Variants in SPAG17 observed in about 807,000 individuals in gnomAD.
SPAG17 encodes sperm-associated antigen 17.
In SPAG17, 169 loss-of-function variants were observed where a neutral mutation model predicts 273.6. The observed-to-expected ratio is 0.62, with a 90% CI of 0.55 to 0.70. SPAG17 has a LOEUF of 0.70. Among genes scored for constraint, SPAG17 ranks in the 30% least tolerant of loss-of-function variants. The probability of loss-of-function intolerance (pLI) is 0.00; values close to 1 mark genes in which losing one functional copy is unlikely to be tolerated. For synonymous variants in SPAG17, 825 were observed against 873.2 expected, an observed-to-expected ratio of 0.94 and a Z score of 0.97; for missense variants, 2,557 against 2,627.8, an observed-to-expected ratio of 0.97 and a Z score of 0.59.
intron 24 of SPAG17, among the ~76,000 whole-genome samples, chr1:118,034,429 A>G (rs148353787): frequency 7.4e-4 from 112 of 152,322 alleles, no homozygotes; most frequent in South Asian, 1.7e-3. Context: ...ACTTTTACAC[A>G]TGCTATTCCT....
At chr1:118,132,868 T>C (rs1256174228) in intron 3 of SPAG17, among the ~76,000 whole-genome samples, 1 of 152,066 alleles carries the variant, frequency 6.6e-6, no homozygotes, top group Non-Finnish European at 1.5e-5. Context: ...GCCTCCTGGG[T>C]TCAAGCAATT....
At chr1:118,112,340 G>A (rs1656809912) in intron 4 of SPAG17, among the ~76,000 whole-genome samples, 1 of 151,944 alleles carries the variant, frequency 6.6e-6, no homozygotes, top group South Asian at 2.1e-4. Flanking sequence ...AAAATTATAA[G>A]GAACATGATG....
Position 118,059,505 on chromosome 1 carries a change from A to G in SPAG17, c.2541-3591T>C, listed in dbSNP as rs75242138. Among the ~76,000 whole-genome samples, 612 of 152,218 alleles carry G rather than the reference A, an allele frequency of 4.0e-3. 3 individuals carry two copies. The highest frequency in any genetic ancestry group is 0.014 in the African/African-American group (581 of 41,570). ...GCATACTTATCATTTTTTGTGGGGT[A>G]AGAACACTTAAAATTAGGAATCCAA... On this transcript the variant is annotated intron_variant, in intron 18 of 48. Coordinates refer to ENST00000336338, the MANE Select transcript of SPAG17 (RefSeq NM_206996.4).
chr1:118,130,355 C>T (rs1657990160), intron 3 of SPAG17, among the ~76,000 whole-genome samples: 1 of 152,172 alleles, frequency 6.6e-6, no homozygotes, highest in Non-Finnish European at 1.5e-5. Flanking sequence ...TGATTTGGGC[C>T]TAGTAGTATG....
intron 34 of SPAG17, 124 bp downstream of exon 34, chr1:117,996,246 C>G: frequency 8.6e-6 from 10 of 1,156,898 alleles, no homozygotes; most frequent in Non-Finnish European, 1.1e-5. Flanking sequence ...CTCTACTTTC[C>G]AAAGTAGAGC....
rs1012308841 is a variant in SPAG17 at position 118,115,368 on chromosome 1, T to G, written c.389A>C (p.Lys130Thr). 1.2e-5 allele frequency: 20 copies of G among 1,613,696 alleles called. No homozygotes were observed. In the Admixed American group the frequency reaches 1.3e-4, roughly 11 times the overall value. ...AAATTTAATCTGGAGAAGTTGAAAT[T>G]TCAAGAGTTTCCCTATCAGTGGTAA... ...LTLPLIGKLL[K>T]FQLLQIKFKD... Residue 130 changes from lysine (K) to threonine (T), a missense_variant, in exon 4 of 49, where the codon AAA (lysine) becomes ACA (threonine). Physicochemically the swap from Lys to Thr is moderately conservative, Grantham distance 78. Coordinates refer to ENST00000336338, the MANE Select transcript of SPAG17 (RefSeq NM_206996.4).
rs1451606406 is a variant in SPAG17, at chr1:118,151,225, G to A, written c.228+4C>T. 3.8e-6 allele frequency: 6 copies of A among 1,563,074 alleles called. No homozygotes were observed. Among genetic ancestry groups the A allele is most frequent in the African/African-American group, 1.3e-5 (1 of 74,084 alleles). On this transcript the variant is annotated splice_donor_region_variant and intron_variant, in intron 2 of 48. Coordinates refer to ENST00000336338, the MANE Select transcript of SPAG17 (RefSeq NM_206996.4). ...GTGGCTTTGAGGTAGGAAGGGACAGGTACCTGCTGGAGAATGTCTTGCCAC... is the reference window on the plus strand; with the variant it reads ...GTGGCTTTGAGGTAGGAAGGGACAGATACCTGCTGGAGAATGTCTTGCCAC...
At chr1:118,001,734 A>G (rs777280048) in intron 32 of SPAG17, among the ~76,000 whole-genome samples, 11 of 151,658 alleles carry the variant, frequency 7.3e-5, no homozygotes, top group Non-Finnish European at 1.2e-4. Context: ...AGTCTTCCTA[A>G]TGGTCTATCA....
intron 3 of SPAG17, among the ~76,000 whole-genome samples, chr1:118,137,614 G>A (rs771809162): frequency 9.9e-5 from 15 of 152,144 alleles, no homozygotes; most frequent in Non-Finnish European, 1.5e-4. Flanking sequence ...TACTAAATCC[G>A]TAATTATTTT....
intron 18 of SPAG17, among the ~76,000 whole-genome samples, chr1:118,060,524 T>C (rs138511135): frequency 3.3e-4 from 51 of 152,334 alleles, no homozygotes; most frequent in African/African-American, 1.2e-3. Flanking sequence ...TACATTTGTC[T>C]TTTAACTTTT....
chr1:118,107,670 T>G (rs1656487808), intron 4 of SPAG17, among the ~76,000 whole-genome samples: 1 of 152,078 alleles, frequency 6.6e-6, no homozygotes, highest in African/African-American at 2.4e-5. Flanking sequence ...AAAAGTATTT[T>G]TAAAGAGGAC....
Position 118,036,795 on chromosome 1 carries a change from G to A in SPAG17, c.3408C>T (p.Tyr1136=). Residue 1136 remains tyrosine (Y), a synonymous_variant, in exon 24 of 49, where the codon TAC becomes TAT. Coordinates refer to ENST00000336338, the MANE Select transcript of SPAG17 (RefSeq NM_206996.4). Reference sequence around the variant, plus strand: ...CTGGTGCCATTCCATTTGATCCATAGTAACTTATCGAGAGGCAGATTCCAT... The same window carrying A: ...CTGGTGCCATTCCATTTGATCCATAATAACTTATCGAGAGGCAGATTCCAT... ...LENGICLSIS[Y]YGSNGMAPED... is the part of the protein sequence containing the mutation. 6.4e-7 allele frequency: 1 copy of A among 1,556,312 alleles called. No individual in the cohort carries two copies. Among genetic ancestry groups the A allele is most frequent in the South Asian group, 1.2e-5 (1 of 84,344 alleles).
At chr1:117,960,122 GTGTGTGTGTGTGTGTGTGTGTGTGTA>G (rs1194068842) in intron 48 of SPAG17, 1 of 147,048 alleles carries the variant, frequency 6.8e-6, no homozygotes, top group African/African-American at 2.7e-5. Context: ...GTGTGTGTGT[GTGTGTGTGTGTGTGTGTGTGTGTGTA>G]TGTGTATGTG....
In SPAG17 at chr1:117,970,158, A is replaced by G. The variant is rs915035417; in HGVS notation, c.6327-42T>C. The G allele has an allele frequency of 1.9e-6, 3 of 1,579,430 alleles. No homozygotes were observed. The African/African-American group carries it at 4.1e-5, about 21-fold the overall frequency. ...TAAAAATAAATTTATGACATAATGA[A>G]ACCCATGAGCAATGAATAAGCTGGG... On this transcript the variant is annotated intron_variant, in intron 45 of 48. Coordinates refer to ENST00000336338, the MANE Select transcript of SPAG17 (RefSeq NM_206996.4).
At chr1:118,001,611 G>A (rs1331375231) in intron 32 of SPAG17, among the ~76,000 whole-genome samples, 1 of 152,150 alleles carries the variant, frequency 6.6e-6, no homozygotes, top group Admixed American at 6.5e-5. Flanking sequence ...TTTGCATAGA[G>A]GTGTTTATAG....
At chr1:117,974,367 C>A (rs1355795021) in intron 43 of SPAG17, among the ~76,000 whole-genome samples, 3 of 152,084 alleles carry the variant, frequency 2.0e-5, no homozygotes, top group Non-Finnish European at 4.4e-5. Context: ...ATGCTATTAG[C>A]ATCTTTTTTT....
chr1:118,078,824 TTA>T (rs1654311325), intron 15 of SPAG17, among the ~76,000 whole-genome samples: 1 of 152,198 alleles, frequency 6.6e-6, no homozygotes, highest in Admixed American at 6.5e-5. Flanking sequence ...TCTATTGAGA[TTA>T]TATGACTTTT....
At chr1:118,026,047 T>C (rs751080535) in intron 26 of SPAG17, among the ~76,000 whole-genome samples, 9 of 152,202 alleles carry the variant, frequency 5.9e-5, no homozygotes, top group Non-Finnish European at 1.0e-4. Context: ...CACTGGTGCC[T>C]ATCTCTCATC....
In SPAG17 at chr1:118,008,127, T is replaced by G; in HGVS notation, c.4504A>C (p.Ile1502Leu). 1.9e-6 allele frequency: 3 copies of G among 1,614,096 alleles called. No homozygotes were observed. Among genetic ancestry groups the G allele is most frequent in the Non-Finnish European group, 2.5e-6 (3 of 1,179,978 alleles). Reference protein sequence around the residue: ...RVESSRYATVIANCEDSSCCA... With the variant: ...RVESSRYATVLANCEDSSCCA... ...CAGCTACTGTCCTCACAGTTGGCGA[T>G]AACAGTGGCATAGCGTGAGCTTTCT... Residue 1502 changes from isoleucine (I) to leucine (L), a missense_variant, in exon 31 of 49, where the codon ATC (isoleucine) becomes CTC (leucine). Ile to Leu is a conservative substitution (Grantham distance 5, BLOSUM62 2). Transcript: ENST00000336338.
Sources: allele counts gnomAD v4.1 joint callset (sites outside exome capture counted in the v4.1 genomes callset), GRCh38; gene constraint gnomAD v4.1.1; transcripts MANE v1.5; gene names NCBI Gene and HGNC (gene_info 2026-07-23, HGNC 2026-07-21).